The following GPC3 variants were observed in gnomAD, a reference collection of about 807,000 sequenced individuals.
GPC3 encodes the protein glypican-3.
A neutral mutation model predicts 34.4 loss-of-function variants in GPC3; 3 were observed. That is an observed-to-expected ratio of 0.09 (90% CI 0.04 to 0.23). The LOEUF (loss-of-function observed/expected upper bound fraction) is 0.23. GPC3 is among the 10% of genes least tolerant of loss of function. The pLI is 1.00. For missense variants in GPC3, 351 were observed against 445.6 expected (o/e 0.79, Z 1.91); for synonymous variants, 177 against 174.0 (o/e 1.02, Z -0.13).
At chrX:133,898,998 T>C (rs1216780752) in intron 2 of GPC3, among the ~76,000 whole-genome samples, 1 of 111,911 alleles carries the variant, frequency 8.9e-6, no homozygotes, top group East Asian at 2.8e-4. Flanking sequence ...AACTTCCCAT[T>C]TGTATATGTT....
At chrX:133,654,690 C>A (rs189638219) in intron 6 of GPC3, among the ~76,000 whole-genome samples, 1 of 108,455 alleles carries the variant, frequency 9.2e-6, no homozygotes, top group Non-Finnish European at 1.9e-5. Flanking sequence ...CCAGCCTGAG[C>A]GACTGAGTGA....
chrX:133,858,656 T>G (rs2075918796), intron 2 of GPC3, among the ~76,000 whole-genome samples: 2 of 112,235 alleles, frequency 1.8e-5, no homozygotes, highest in African/African-American at 6.5e-5. Context: ...CAGATTCATC[T>G]TAATGAAAAG....
intron 2 of GPC3, among the ~76,000 whole-genome samples, chrX:133,856,843 G>A: frequency 8.9e-6 from 1 of 111,823 alleles, no homozygotes; most frequent in Non-Finnish European, 1.9e-5. Flanking sequence ...CTGCCACAGA[G>A]CTTTGCAATA....
chrX:133,960,697 A>AT (rs201343620), intron 1 of GPC3, among the ~76,000 whole-genome samples: 5,064 of 105,817 alleles, frequency 0.048, 104 homozygotes, highest in East Asian at 0.1. Flanking sequence ...ATGGCAGATT[A>AT]TTTTTTTTTT....
intron 2 of GPC3, among the ~76,000 whole-genome samples, chrX:133,939,398 G>C (rs1303090235): frequency 8.9e-6 from 1 of 111,822 alleles, no homozygotes; most frequent in Non-Finnish European, 1.9e-5. Flanking sequence ...CTAGTATAGT[G>C]TATATAAGCA....
intron 3 of GPC3, among the ~76,000 whole-genome samples, chrX:133,734,498 G>A (rs190388170): frequency 9.1e-6 from 1 of 109,622 alleles, no homozygotes; most frequent in African/African-American, 3.3e-5. Flanking sequence ...GATATCCATT[G>A]TTGCTAGTTC....
intron 6 of GPC3, among the ~76,000 whole-genome samples, chrX:133,655,272 T>C (rs998234602): frequency 2.7e-5 from 3 of 111,530 alleles, no homozygotes; most frequent in Non-Finnish European, 5.6e-5. Flanking sequence ...TTCAGGCTAT[T>C]AGGCAAAGTG....
At chrX:133,756,226 A>C (rs2071724938) in intron 2 of GPC3, among the ~76,000 whole-genome samples, 1 of 112,581 alleles carries the variant, frequency 8.9e-6, no homozygotes, top group Non-Finnish European at 1.9e-5. Flanking sequence ...AGTAGAAGCA[A>C]TCAGCACAAA....
chrX:133,767,894 A>T (rs980354770), intron 2 of GPC3, among the ~76,000 whole-genome samples: 1 of 106,932 alleles, frequency 9.4e-6, no homozygotes, highest in South Asian at 4.3e-4. Flanking sequence ...TGATTTTTGC[A>T]TCCACATTAG....
chrX:133,551,535 C>T (rs2069433614), intron 7 of GPC3, among the ~76,000 whole-genome samples: 1 of 111,113 alleles, frequency 9.0e-6, no homozygotes, highest in Admixed American at 9.6e-5. Context: ...CTGTCTAGTC[C>T]TTGTTCTAGT....
intron 7 of GPC3, among the ~76,000 whole-genome samples, chrX:133,577,187 C>T (rs1371003608): frequency 8.9e-6 from 1 of 112,170 alleles, no homozygotes; most frequent in Middle Eastern, 4.2e-3. Context: ...AATACTGACA[C>T]AGCCCAGATA....
chrX:133,690,156 C>T (rs1035486268), intron 5 of GPC3, among the ~76,000 whole-genome samples: 2 of 111,492 alleles, frequency 1.8e-5, no homozygotes, highest in East Asian at 2.8e-4. Context: ...ATTTCAGTGC[C>T]TCATTCAGGG....
At chrX:133,755,241 G>A (rs2071715899) in intron 2 of GPC3, among the ~76,000 whole-genome samples, 1 of 111,781 alleles carries the variant, frequency 8.9e-6, no homozygotes. Flanking sequence ...AAAGTGCAAA[G>A]GTCCATGACA....
At chrX:133,861,462 G>A (rs1051814445) in intron 2 of GPC3, among the ~76,000 whole-genome samples, 9 of 111,189 alleles carry the variant, frequency 8.1e-5, no homozygotes, top group East Asian at 2.8e-4. Flanking sequence ...ATTTGGTTAC[G>A]TCTTCTGTGT....
chrX:133,648,636 C>T (rs1018648510), intron 6 of GPC3, among the ~76,000 whole-genome samples: 5 of 111,681 alleles, frequency 4.5e-5, no homozygotes, highest in African/African-American at 1.3e-4. Context: ...GCTCAGATTC[C>T]TTAGTATGCT....
chrX:133,844,835 C>A (rs943470269), intron 2 of GPC3, among the ~76,000 whole-genome samples: 3 of 111,501 alleles, frequency 2.7e-5, no homozygotes, highest in African/African-American at 9.8e-5. Flanking sequence ...AATATTTGGT[C>A]CCATTTTTAG....
intron 5 of GPC3, among the ~76,000 whole-genome samples, chrX:133,675,951 A>G (rs894585002): frequency 1.8e-5 from 2 of 112,415 alleles, no homozygotes; most frequent in African/African-American, 6.5e-5. Context: ...GACTTCACGA[A>G]CCAGCATTTA....
chrX:133,572,453 T>C (rs914738127), intron 7 of GPC3, among the ~76,000 whole-genome samples: 2 of 110,001 alleles, frequency 1.8e-5, no homozygotes, highest in Non-Finnish European at 3.8e-5. Context: ...AAGAAAATAA[T>C]AAGGATTAGA....
Position 133,982,324 on chromosome X carries a change from G to A in GPC3, c.175+2951C>T, listed in dbSNP as rs143528860. 4.1e-3 allele frequency among the ~76,000 whole-genome samples: 461 copies of A among 111,824 alleles called. 2 individuals carry two copies. Among genetic ancestry groups the A allele is most frequent in the African/African-American group, 0.014 (417 of 30,829 alleles). On this transcript the variant is annotated intron_variant, in intron 1 of 7. Transcript: ENST00000370818. ...TTTCTGCCAAATGCTAACTCTGTGC[G>A]CCTGGTTTCCATCTGTGGTGCTTTC...
Sources: allele counts gnomAD v4.1 joint callset (sites outside exome capture counted in the v4.1 genomes callset), GRCh38; gene constraint gnomAD v4.1.1; transcripts MANE v1.5; gene names NCBI Gene and HGNC (gene_info 2026-07-23, HGNC 2026-07-21).